Variants in ANO5 observed in about 807,000 individuals in gnomAD.
The protein encoded by ANO5 is anoctamin 5.
A neutral mutation model predicts 121.0 loss-of-function variants in ANO5; 109 were observed. The ratio of observed to expected loss-of-function variants is 0.90; its 90% CI spans 0.77 to 1.06. The LOEUF (loss-of-function observed/expected upper bound fraction) is 1.06, where lower values mean the gene tolerates loss of function less well. Ranked by LOEUF, ANO5 falls within the 50% of genes least tolerant of loss-of-function variation. The pLI is 0.00. For missense variants in ANO5, 1,064 were observed against 1,078.5 expected, an observed-to-expected ratio of 0.99 and a Z score of 0.19; for synonymous variants, 406 against 359.9, an observed-to-expected ratio of 1.13 and a Z score of -1.45.
intron 9 of ANO5, among the ~76,000 whole-genome samples, chr11:22,246,262 C>A (rs1210657093): frequency 2.0e-5 from 3 of 152,130 alleles, no homozygotes; most frequent in African/African-American, 7.2e-5. Flanking sequence ...TGCATTAGGG[C>A]ATTTAGTTAA....
At chr11:22,198,741 G>C (rs577857053) in intron 1 of ANO5, among the ~76,000 whole-genome samples, 2 of 152,146 alleles carry the variant, frequency 1.3e-5, no homozygotes, top group East Asian at 3.9e-4. Context: ...TGGCATAATA[G>C]TGACTGTTTT....
chr11:22,215,347 G>A (rs1852405717), intron 3 of ANO5, among the ~76,000 whole-genome samples: 1 of 151,912 alleles, frequency 6.6e-6, no homozygotes, highest in African/African-American at 2.4e-5. Context: ...TAATTGATCT[G>A]TGCATGTATT....
At chr11:22,200,354 GT>G (rs1851929044) in intron 1 of ANO5, among the ~76,000 whole-genome samples, 1 of 152,038 alleles carries the variant, frequency 6.6e-6, no homozygotes, top group Non-Finnish European at 1.5e-5. Context: ...CTAAAATGGT[GT>G]TTTATGAAAA....
At chr11:22,219,908 T>TTC (rs397709115) in intron 4 of ANO5, among the ~76,000 whole-genome samples, 29 of 150,558 alleles carry the variant, frequency 1.9e-4, no homozygotes, top group Non-Finnish European at 3.4e-4. Context: ...TTTTTTTTTT[T>TTC]AATTCTTAGT....
At chr11:22,222,806 T>G (rs1392015296) in intron 5 of ANO5, among the ~76,000 whole-genome samples, 2 of 152,040 alleles carry the variant, frequency 1.3e-5, no homozygotes, top group East Asian at 3.9e-4. Context: ...TTTGTGCCCA[T>G]GGACCTTAAC....
At chr11:22,244,692 T>C (rs1342308400) in intron 9 of ANO5, among the ~76,000 whole-genome samples, 2 of 152,088 alleles carry the variant, frequency 1.3e-5, no homozygotes, top group Non-Finnish European at 2.9e-5. Flanking sequence ...TCCTGTTGTA[T>C]TATAAAATCC....
At chr11:22,213,371 A>G (rs1020746528) in intron 3 of ANO5, among the ~76,000 whole-genome samples, 5 of 151,406 alleles carry the variant, frequency 3.3e-5, no homozygotes, top group Non-Finnish European at 7.4e-5. Context: ...TTTGATTTTT[A>G]TATCCTTCAC....
rs554090729 is a variant in ANO5 at position 22,227,672 on chromosome 11, C to G, written c.648+86C>G. 1.0e-4 allele frequency: 154 copies of G among 1,516,432 alleles called. No homozygotes were observed. In the East Asian group the frequency reaches 3.4e-3, roughly 33 times the overall value. 93.9% of individuals were successfully genotyped at this position (1,516,432 alleles called of 1,614,324 possible). On this transcript the variant is annotated intron_variant, in intron 7 of 21. Transcript: ENST00000324559. Reference sequence around the variant, plus strand: ...TTTTATACATGTGCAGATGTCGTACCATTTCTGCAAGGTGCTTCTGTATAG... The same window carrying G: ...TTTTATACATGTGCAGATGTCGTACGATTTCTGCAAGGTGCTTCTGTATAG...
intron 17 of ANO5, 38 bp from the exon 18 acceptor site, chr11:22,270,274 G>C: frequency 6.2e-7 from 1 of 1,612,426 alleles, no homozygotes; most frequent in Non-Finnish European, 8.5e-7. Flanking sequence ...TTTCTTTTTG[G>C]TCCTATTTCA....
At chr11:22,251,965 G>A (rs1278409433) in intron 12 of ANO5, among the ~76,000 whole-genome samples, 1 of 139,820 alleles carries the variant, frequency 7.2e-6, no homozygotes, top group African/African-American at 2.7e-5. Context: ...GGGAGGCTGA[G>A]CTTGCAGTGA....
intron 1 of ANO5, among the ~76,000 whole-genome samples, chr11:22,194,510 T>A (rs909719670): frequency 6.6e-6 from 1 of 152,226 alleles, no homozygotes; most frequent in African/African-American, 2.4e-5. Flanking sequence ...GGATTTTTTT[T>A]AGTGTATTTA....
rs552412650 is a variant in ANO5, at chr11:22,278,530, C to CTT, written c.2521-1000_2521-999dup. ...CCTTTCCTTATATCTGGTTCTTTTC[C>CTT]TTTTTTTTTTTTTTTCCATGTCAGA... On this transcript the variant is annotated intron_variant, in intron 21 of 21. Transcript: ENST00000324559. 5.6e-3 allele frequency among the ~76,000 whole-genome samples: 759 copies of CTT among 134,732 alleles called. 2 individuals are homozygous for CTT. Among genetic ancestry groups the CTT allele is most frequent in the African/African-American group, 0.018 (686 of 37,314 alleles). 88.4% of individuals were successfully genotyped at this position (134,732 alleles called of 152,430 possible).
chr11:22,225,573 G>T (rs777859069), intron 5 of ANO5, among the ~76,000 whole-genome samples: 5 of 152,040 alleles, frequency 3.3e-5, no homozygotes, highest in Non-Finnish European at 5.9e-5. Context: ...TTGTCCTTCA[G>T]GATTAAAAAG....
chr11:22,221,813 T>C (rs1164435395), intron 5 of ANO5, among the ~76,000 whole-genome samples: 2 of 152,010 alleles, frequency 1.3e-5, no homozygotes, highest in Non-Finnish European at 2.9e-5. Flanking sequence ...AATCCATTTT[T>C]ATACACATAT....
At chr11:22,194,483 A>C (rs892372525) in intron 1 of ANO5, among the ~76,000 whole-genome samples, 1 of 152,162 alleles carries the variant, frequency 6.6e-6, no homozygotes, top group African/African-American at 2.4e-5. Context: ...AAATTCACCT[A>C]TTTGACGTGT....
chr11:22,233,407 T>C (rs911788374), intron 7 of ANO5, among the ~76,000 whole-genome samples: 1 of 151,996 alleles, frequency 6.6e-6, no homozygotes, highest in South Asian at 2.1e-4. Flanking sequence ...ATTTAAAAAA[T>C]ATATATAAAT....
chr11:22,235,436 C>T (rs552098216), intron 7 of ANO5, among the ~76,000 whole-genome samples: 1 of 151,414 alleles, frequency 6.6e-6, no homozygotes, highest in Non-Finnish European at 1.5e-5. Flanking sequence ...GATGATGATT[C>T]AAGAACTACA....
In ANO5 at chr11:22,193,469, A is replaced by C; in HGVS notation, c.-24A>C. The C allele has an allele frequency of 1.2e-6, 2 of 1,609,396 alleles. No individual in the cohort carries two copies. The highest frequency in any genetic ancestry group is 1.7e-6 in the Non-Finnish European group (2 of 1,178,390). ...CCTCTCCTGCTGCCTCTCAGGCACC[A>C]GTGCCATTAACGAGCTGGCGAAGAT... is the stretch of plus-strand genomic sequence containing the variant. On this transcript the variant is annotated 5_prime_UTR_variant, in exon 1 of 22. Transcript: ENST00000324559.
At chr11:22,215,820 C>T (rs1335243819) in intron 3 of ANO5, among the ~76,000 whole-genome samples, 1 of 151,708 alleles carries the variant, frequency 6.6e-6, no homozygotes, top group Non-Finnish European at 1.5e-5. Flanking sequence ...TAGCGGTTTT[C>T]CTCCTACCAT....
Sources: allele counts gnomAD v4.1 joint callset (sites outside exome capture counted in the v4.1 genomes callset), GRCh38; gene constraint gnomAD v4.1.1; transcripts MANE v1.5; gene names NCBI Gene and HGNC (gene_info 2026-07-23, HGNC 2026-07-21).